The following SPMAP2L variants were observed in gnomAD, a reference collection of about 807,000 sequenced individuals.
The protein encoded by SPMAP2L is sperm microtubule associated protein 2-like.
At chr4:56,582,970 G>A in the SPMAP2L span, among the ~76,000 whole-genome samples, 12 of 152,262 alleles carry the variant, frequency 7.9e-5, no homozygotes, top group South Asian at 2.3e-3. Flanking sequence ...ATTTGTATCA[G>A]TCTATTTATT....
At chr4:56,583,295 A>G in the SPMAP2L span, among the ~76,000 whole-genome samples, 2 of 151,698 alleles carry the variant, frequency 1.3e-5, no homozygotes, top group African/African-American at 4.9e-5. Flanking sequence ...TAAAAGGAAA[A>G]AAAAAAGAAA....
chr4:56,571,507 G>T, the SPMAP2L span, among the ~76,000 whole-genome samples: 1 of 151,842 alleles, frequency 6.6e-6, no homozygotes, highest in Non-Finnish European at 1.5e-5. Flanking sequence ...GGTAGAAACA[G>T]GGCTTTGCCA....
the SPMAP2L span, among the ~76,000 whole-genome samples, chr4:56,566,353 C>T: frequency 6.6e-6 from 1 of 152,058 alleles, no homozygotes; most frequent in Non-Finnish European, 1.5e-5. Flanking sequence ...TGCCCACCAC[C>T]ACGCCTGGCT....
the SPMAP2L span, chr4:56,595,098 CT>C: frequency 5.0e-6 from 8 of 1,611,218 alleles, no homozygotes; most frequent in East Asian, 1.8e-4. Context: ...TGCCCATTTC[CT>C]GGGCTTATAT....
the SPMAP2L span, among the ~76,000 whole-genome samples, chr4:56,553,237 C>CTGGA: frequency 8.8e-6 from 1 of 113,838 alleles, no homozygotes; most frequent in Non-Finnish European, 1.6e-5. Flanking sequence ...GTTTCTCAGG[C>CTGGA]TGGAGTGCTG....
chr4:56,559,278 C>T, the SPMAP2L span: 1 of 909,150 alleles, frequency 1.1e-6, no homozygotes, highest in Non-Finnish European at 1.4e-6. Flanking sequence ...TCCACTCCAG[C>T]CTGGGCAACA....
At chr4:56,603,357 T>G in the SPMAP2L span, 1 of 1,474,482 alleles carries the variant, frequency 6.8e-7, no homozygotes, top group Non-Finnish European at 9.1e-7. Context: ...ACCCTGGTTA[T>G]GTATCTAGAA....
At chr4:56,584,352 T>C in the SPMAP2L span, 4 of 591,924 alleles carry the variant, frequency 6.8e-6, no homozygotes, top group South Asian at 2.4e-5. Flanking sequence ...ACCAATCTGA[T>C]AGAAAGAGCA....
At chr4:56,569,391 A>G in the SPMAP2L span, among the ~76,000 whole-genome samples, 4 of 152,164 alleles carry the variant, frequency 2.6e-5, no homozygotes, top group African/African-American at 7.2e-5. Flanking sequence ...GCATTTCCTT[A>G]ATAATTTTTG....
chr4:56,576,002 C>T, the SPMAP2L span, among the ~76,000 whole-genome samples: 1 of 152,188 alleles, frequency 6.6e-6, no homozygotes, highest in African/African-American at 2.4e-5. Context: ...GGCTGAATTT[C>T]TCCTTGTCTT....
chr4:56,603,182 G>T, the SPMAP2L span: 72 of 1,462,822 alleles, frequency 4.9e-5, no homozygotes, highest in Non-Finnish European at 6.3e-5. Context: ...TCTTATTTCA[G>T]GTTGATTTCT....
chr4:56,578,663 A>G, the SPMAP2L span, among the ~76,000 whole-genome samples: 1 of 152,196 alleles, frequency 6.6e-6, no homozygotes, highest in Non-Finnish European at 1.5e-5. Context: ...AAGATATACC[A>G]TGCACGCCAA....
chr4:56,580,775 T>C, the SPMAP2L span, among the ~76,000 whole-genome samples: 1 of 152,082 alleles, frequency 6.6e-6, no homozygotes, highest in South Asian at 2.1e-4. Flanking sequence ...AGCTAATAAA[T>C]TAGTTCAAGA....
chr4:56,565,613 G>A, the SPMAP2L span, among the ~76,000 whole-genome samples: 1 of 152,092 alleles, frequency 6.6e-6, no homozygotes, highest in Non-Finnish European at 1.5e-5. Context: ...ATGGTTCAAT[G>A]TATACAAACC....
the SPMAP2L span, among the ~76,000 whole-genome samples, chr4:56,614,460 G>A: frequency 5.3e-5 from 8 of 152,072 alleles, no homozygotes; most frequent in African/African-American, 1.9e-4. Flanking sequence ...TTCAAGACCA[G>A]CCTGGCCAAC....
the SPMAP2L span, among the ~76,000 whole-genome samples, chr4:56,611,819 C>A: frequency 6.6e-6 from 1 of 152,120 alleles, no homozygotes; most frequent in Non-Finnish European, 1.5e-5. Flanking sequence ...AATACGCTCC[C>A]TAAGCCAATC....
chr4:56,587,989 G>A, the SPMAP2L span, among the ~76,000 whole-genome samples: 12 of 152,164 alleles, frequency 7.9e-5, no homozygotes, highest in African/African-American at 2.9e-4. Flanking sequence ...TACTGTTTTC[G>A]GATTTTTTGA....
chr4:56,617,661 A>G, the SPMAP2L span, among the ~76,000 whole-genome samples: 1 of 152,114 alleles, frequency 6.6e-6, no homozygotes, highest in Non-Finnish European at 1.5e-5. Flanking sequence ...TTGTCCGGAC[A>G]ACATAGGCGG....
the SPMAP2L span, among the ~76,000 whole-genome samples, chr4:56,547,104 T>C: frequency 1.3e-5 from 2 of 152,224 alleles, no homozygotes; most frequent in South Asian, 4.1e-4. Flanking sequence ...TTTCCTACAG[T>C]GCTCTATTTA....
Sources: gnomAD v4.1 joint callset for allele counts (sites outside exome capture counted in the v4.1 genomes callset) on GRCh38, gnomAD v4.1.1 for gene constraint, MANE v1.5 for transcripts, NCBI Gene and HGNC (gene_info 2026-07-23, HGNC 2026-07-21) for gene names.